Variants in UBASH3B observed in about 807,000 individuals in gnomAD.
UBASH3B encodes ubiquitin-associated and SH3 domain-containing protein B.
A neutral mutation model predicts 83.4 loss-of-function variants in UBASH3B; 37 were observed. The observed-to-expected ratio is 0.44, with a 90% CI of 0.34 to 0.58. UBASH3B has a LOEUF of 0.58. Ranked by LOEUF, UBASH3B falls within the 20% of genes least tolerant of loss-of-function variation. The pLI, the probability that UBASH3B is intolerant of heterozygous loss-of-function variation, is 0.01. For synonymous variants in UBASH3B, 304 were observed against 318.3 expected, an observed-to-expected ratio of 0.96 and a Z score of 0.48; for missense variants, 657 against 827.2, an observed-to-expected ratio of 0.79 and a Z score of 2.52.
intron 1 of UBASH3B, among the ~76,000 whole-genome samples, chr11:122,681,611 G>T (rs991813908): frequency 3.9e-5 from 6 of 152,076 alleles, no homozygotes; most frequent in African/African-American, 1.4e-4. Flanking sequence ...CCTGTTCCTT[G>T]TTCTTCCACC....
chr11:122,768,530 G>A (rs1055744567), intron 1 of UBASH3B, among the ~76,000 whole-genome samples: 14 of 146,706 alleles, frequency 9.5e-5, no homozygotes, highest in African/African-American at 3.0e-4. Flanking sequence ...ATTTGAGACT[G>A]AGCCTCACTC....
rs771624350 is a variant in UBASH3B at position 122,779,476 on chromosome 11, AC to A, written c.403-20del. 6.8e-6 allele frequency: 11 copies of A among 1,613,058 alleles called. No individual in the cohort carries two copies. Among genetic ancestry groups the A allele is most frequent in the Non-Finnish European group, 9.3e-6 (11 of 1,179,736 alleles). Reference sequence around the variant, plus strand: ...CATCTCCCCTTGTCTCTGAGTGAAGACTGCCTGTTTTCCCTGCCAGTGCGAG... The same window carrying A: ...CATCTCCCCTTGTCTCTGAGTGAAGATGCCTGTTTTCCCTGCCAGTGCGAG... On this transcript the variant is annotated intron_variant, in intron 3 of 13. Coordinates refer to ENST00000284273, the MANE Select transcript of UBASH3B (RefSeq NM_032873.5).
chr11:122,679,588 T>A (rs373808913), intron 1 of UBASH3B, among the ~76,000 whole-genome samples: 5 of 152,330 alleles, frequency 3.3e-5, no homozygotes. Context: ...CACCTTGATC[T>A]CTAGCAAGGA....
chr11:122,777,081 C>G lies in UBASH3B; in HGVS notation c.273C>G (p.Val91=). 1 of 1,613,966 alleles carries G rather than the reference C, an allele frequency of 6.2e-7. No individual in the cohort carries two copies. The highest frequency in any genetic ancestry group is 1.1e-5 in the South Asian group (1 of 91,066). Residue 91 remains valine, a synonymous_variant, in exon 3 of 14, where the codon GTC becomes GTG. Coordinates refer to ENST00000284273, the MANE Select transcript of UBASH3B (RefSeq NM_032873.5). ...FLDDPLPREY[V]LYLRPTGPLA... ...ATGACCCCCTGCCCCGGGAGTACGT[C>G]CTCTACCTCCGTCCCACCGGCCCCT... is the stretch of plus-strand genomic sequence containing the variant.
chr11:122,733,479 G>A (rs1272035715), intron 1 of UBASH3B, among the ~76,000 whole-genome samples: 1 of 152,226 alleles, frequency 6.6e-6, no homozygotes, highest in East Asian at 1.9e-4. Flanking sequence ...TGTGGTTCAA[G>A]TGCCTCGCGC....
chr11:122,770,537 T>C (rs967135863), intron 1 of UBASH3B, among the ~76,000 whole-genome samples: 42 of 151,462 alleles, frequency 2.8e-4, no homozygotes, highest in African/African-American at 9.7e-4. Flanking sequence ...AGGAGCTCAA[T>C]AGATGGCCCA....
rs1025594414 is a variant in UBASH3B, at chr11:122,810,176, G to A, written c.*290G>A. 2.0e-5 allele frequency: 6 copies of A among 304,642 alleles called. No individual in the cohort carries two copies. The highest frequency in any genetic ancestry group is 4.6e-5 in the Admixed American group (1 of 21,590). The allele number at this position is 304,642 out of a possible 1,614,324, so 18.9% of individuals were successfully genotyped here. ...GAAGAGAATGTTTCGTTCCCTCTGG[G>A]TATGCACAGCTAAGGGGCCTCATTT... On this transcript the variant is annotated 3_prime_UTR_variant, in exon 14 of 14. Transcript: ENST00000284273.
chr11:122,757,709 CTTTTTT>C (rs781180822), intron 1 of UBASH3B, among the ~76,000 whole-genome samples: 8 of 92,146 alleles, frequency 8.7e-5, no homozygotes, highest in African/African-American at 2.3e-4. Context: ...CTTCTTTTCC[CTTTTTT>C]TTTTTTTTTT....
chr11:122,656,362 AC>A, intron 1 of UBASH3B, 152 bp downstream of exon 1: 1 of 780,826 alleles, frequency 1.3e-6, no homozygotes, highest in Non-Finnish European at 1.7e-6. Context: ...CGCGCTGGCA[AC>A]CCGGGACTCG....
chr11:122,748,500 A>G (rs763090419), intron 1 of UBASH3B, among the ~76,000 whole-genome samples: 43 of 152,212 alleles, frequency 2.8e-4, no homozygotes, highest in Non-Finnish European at 2.8e-4. Context: ...GGAAATGGAA[A>G]ACAGCCTGTT....
chr11:122,710,246 A>G (rs986690203), intron 1 of UBASH3B, among the ~76,000 whole-genome samples: 4 of 152,144 alleles, frequency 2.6e-5, no homozygotes, highest in African/African-American at 7.2e-5. Flanking sequence ...AGAGCAGAAG[A>G]AAGATAAGGC....
rs553256234 is a variant in UBASH3B at position 122,810,539 on chromosome 11, T to TC, written c.*659dup. The TC allele has an allele frequency of 1.5e-3, 220 of 150,260 alleles. No individual in the cohort carries two copies. Among genetic ancestry groups the TC allele is most frequent in the African/African-American group, 3.2e-3 (128 of 39,910 alleles). 9.3% of individuals were successfully genotyped at this position (150,260 alleles called of 1,614,324 possible). On this transcript the variant is annotated 3_prime_UTR_variant, in exon 14 of 14. Coordinates refer to ENST00000284273, the MANE Select transcript of UBASH3B (RefSeq NM_032873.5). ...GCTGGCCCTTCTTGCTACAGCCCTATCCCCCCTCCTTGCTTCTGTGAAATG... is the reference window on the plus strand; with the variant it reads ...GCTGGCCCTTCTTGCTACAGCCCTATCCCCCCCTCCTTGCTTCTGTGAAATG...
intron 1 of UBASH3B, among the ~76,000 whole-genome samples, chr11:122,733,883 CT>C (rs985060084): frequency 2.6e-5 from 4 of 151,424 alleles, no homozygotes; most frequent in South Asian, 2.1e-4. Flanking sequence ...TGTCTCCTCT[CT>C]TTTTTTTTGT....
At chr11:122,764,380 TGAAAAC>T (rs1860497473) in intron 1 of UBASH3B, among the ~76,000 whole-genome samples, 1 of 152,192 alleles carries the variant, frequency 6.6e-6, no homozygotes, top group Non-Finnish European at 1.5e-5. Context: ...ACTTCCTTTC[TGAAAAC>T]GAAAAAAACG....
At chr11:122,809,554 AAT>A (rs55948207) in intron 13 of UBASH3B, among the ~76,000 whole-genome samples, 193 bp from the exon 14 acceptor site, 25,549 of 152,142 alleles carry the variant, frequency 0.17, 2,283 homozygotes, top group Admixed American at 0.25. Context: ...TTGCAATGTA[AAT>A]ACTCTTCTAA....
chr11:122,774,410 G>A, intron 1 of UBASH3B: 1 of 722,596 alleles, frequency 1.4e-6, no homozygotes, highest in Non-Finnish European at 1.7e-6. Flanking sequence ...ACAGAGGCTG[G>A]CCTTTGCTCA....
At chr11:122,754,715 C>T (rs995102107) in intron 1 of UBASH3B, among the ~76,000 whole-genome samples, 17 of 152,162 alleles carry the variant, frequency 1.1e-4, no homozygotes, top group South Asian at 6.2e-4. Flanking sequence ...TTAAGGAAAC[C>T]GCCCAACTTC....
At chr11:122,738,792 CAGA>C (rs1341596874) in intron 1 of UBASH3B, among the ~76,000 whole-genome samples, 2 of 150,420 alleles carry the variant, frequency 1.3e-5, no homozygotes, top group African/African-American at 4.9e-5. Flanking sequence ...GAGGCTGAGG[CAGA>C]AGAATTGCTT....
intron 1 of UBASH3B, among the ~76,000 whole-genome samples, chr11:122,748,156 G>A (rs1267533897): frequency 2.6e-5 from 4 of 152,332 alleles, no homozygotes; most frequent in African/African-American, 7.2e-5. Flanking sequence ...AAGGTGGAGC[G>A]ACTTCACATA....
Sources: gnomAD v4.1 joint callset for allele counts (sites outside exome capture counted in the v4.1 genomes callset) on GRCh38, gnomAD v4.1.1 for gene constraint, MANE v1.5 for transcripts, NCBI Gene and HGNC (gene_info 2026-07-23, HGNC 2026-07-21) for gene names.